Variants in TAB2 observed in about 807,000 individuals in gnomAD.
TAB2 encodes TGF-beta activated kinase 1 (MAP3K7) binding protein 2.
In TAB2, 3 loss-of-function variants were observed where a neutral mutation model predicts 65.0. The ratio of observed to expected loss-of-function variants is 0.05; its 90% CI spans 0.02 to 0.12. TAB2 has a LOEUF of 0.12. TAB2 is among the 10% of genes least tolerant of loss of function. The pLI is 1.00. For missense variants in TAB2, 623 were observed against 840.3 expected (o/e 0.74, Z 3.20); for synonymous variants, 298 against 285.1 (o/e 1.05, Z -0.46).
At chr6:149,335,429 CA>C (rs1779905363) in intron 1 of TAB2, among the ~76,000 whole-genome samples, 1 of 151,946 alleles carries the variant, frequency 6.6e-6, no homozygotes. Flanking sequence ...GGCAGTGGTA[CA>C]ATCATAGCTC....
At chr6:149,376,139 G>A (rs988135820) in intron 2 of TAB2, among the ~76,000 whole-genome samples, 8 of 152,044 alleles carry the variant, frequency 5.3e-5, no homozygotes, top group African/African-American at 1.9e-4. Flanking sequence ...AAATTGTGTT[G>A]ACAATTTATA....
In TAB2 at chr6:149,398,057, C is replaced by T. The variant is rs1782235226; in HGVS notation, c.1853C>T (p.Ala618Val). 1.2e-6 allele frequency: 2 copies of T among 1,613,072 alleles called. No homozygotes were observed. The highest frequency in any genetic ancestry group is 3.3e-5 in the Admixed American group (2 of 59,990). The change falls in exon 5 of 7, where the codon GCC becomes GTC. Residue 618 changes from alanine (A) to valine (V), a missense_variant. Around this residue, in one of 3 missense-constraint regions of TAB2, gnomAD observed 56 missense variants for 130.3 expected, o/e 0.43. Coordinates refer to ENST00000637181, the MANE Select transcript of TAB2 (RefSeq NM_001292034.3). ...CLTKEIDLFQ[A>V]RGPHFNPSAI... ...ACCAAAGAAATTGATCTTTTTCAAGCCCGAGGTAAAGTTCAGTGTATTTGT... is the reference window on the plus strand; with the variant it reads ...ACCAAAGAAATTGATCTTTTTCAAGTCCGAGGTAAAGTTCAGTGTATTTGT...
intron 1 of TAB2, among the ~76,000 whole-genome samples, chr6:149,235,654 G>C (rs9390661): frequency 0.17 from 25,823 of 152,192 alleles, 2,407 homozygotes; most frequent in East Asian, 0.27. Flanking sequence ...AGAAAGCCTT[G>C]ATATCAGGAA....
intron 3 of TAB2, among the ~76,000 whole-genome samples, chr6:149,397,216 C>T (rs1015140949): frequency 5.9e-5 from 9 of 152,170 alleles, no homozygotes; most frequent in African/African-American, 1.7e-4. Flanking sequence ...CCAAGGCAGG[C>T]GGATCACCTG....
Position 149,357,803 on chromosome 6 carries a change from G to A in TAB2, c.-89-12106G>A, listed in dbSNP as rs533843458. Among the ~76,000 whole-genome samples, 4 of 151,836 alleles carry A rather than the reference G, an allele frequency of 2.6e-5. No individual in the cohort carries two copies. In the East Asian group the frequency reaches 5.8e-4, roughly 22 times the overall value. On this transcript the variant is annotated intron_variant, in intron 1 of 6. Coordinates refer to ENST00000637181, the MANE Select transcript of TAB2 (RefSeq NM_001292034.3). ...CAACCTCCATCTCCCAGGTTCAAGC[G>A]ATTCTCCTGTCTCAGCCTCCCAAGT...
intron 3 of TAB2, among the ~76,000 whole-genome samples, chr6:149,385,612 A>C (rs1374473031): frequency 1.3e-5 from 2 of 152,144 alleles, no homozygotes. Flanking sequence ...AAGACTAAAT[A>C]CCTTTTTAAT....
chr6:149,267,918 A>T (rs773477886), intron 1 of TAB2, among the ~76,000 whole-genome samples: 3 of 152,212 alleles, frequency 2.0e-5, no homozygotes, highest in Non-Finnish European at 4.4e-5. Context: ...TACGCAGTCT[A>T]TTGTTGACCA....
intron 1 of TAB2, among the ~76,000 whole-genome samples, chr6:149,333,708 AGTGTGTGTGTGTGTGTGT>A (rs61004397): frequency 1.1e-3 from 165 of 144,894 alleles, no homozygotes; most frequent in African/African-American, 3.6e-3. Flanking sequence ...CCAGATCCAT[AGTGTGTGTGTGTGTGTGT>A]GTGTGTGTGT....
intron 1 of TAB2, among the ~76,000 whole-genome samples, chr6:149,358,640 C>CTGTGTGTGTGTGTG (rs370116039): frequency 0.055 from 6,685 of 121,654 alleles, 235 homozygotes; most frequent in African/African-American, 0.074. Context: ...CTTCAGAACT[C>CTGTGTGTGTGTGTG]TGTGTGTGTG....
intron 1 of TAB2, among the ~76,000 whole-genome samples, chr6:149,278,822 C>T (rs73603591): frequency 0.023 from 3,547 of 152,008 alleles, 152 homozygotes; most frequent in African/African-American, 0.08. Context: ...CTCATGCCTG[C>T]AATTCCAACA....
At chr6:149,266,346 T>TG (rs1295945346) in intron 1 of TAB2, among the ~76,000 whole-genome samples, 1 of 152,168 alleles carries the variant, frequency 6.6e-6, no homozygotes, top group Non-Finnish European at 1.5e-5. Context: ...AACAGAAGCA[T>TG]TCTGGTCCAC....
At chr6:149,376,277 C>T (rs763079177) in intron 2 of TAB2, among the ~76,000 whole-genome samples, 4 of 152,174 alleles carry the variant, frequency 2.6e-5, no homozygotes, top group Non-Finnish European at 5.9e-5. Flanking sequence ...CCTGAATACC[C>T]TTTGTGTCTT....
intron 1 of TAB2, among the ~76,000 whole-genome samples, chr6:149,232,238 T>TC (rs1777418671): frequency 6.6e-6 from 1 of 152,052 alleles, no homozygotes; most frequent in South Asian, 2.1e-4. Flanking sequence ...GAGTTTGATT[T>TC]TTTTTTTTAG....
rs548505777 is a variant in TAB2, at chr6:149,277,144, C to A, written c.-121+58368C>A. Among the ~76,000 whole-genome samples, 4 of 152,324 alleles carry A rather than the reference C, an allele frequency of 2.6e-5. 1 individual carries two copies. The South Asian group carries it at 8.3e-4, about 32-fold the overall frequency. ...CATGTGGGACTGTGAGTAAATTAAA[C>A]CTCTTTACTTTATAAATTACCCAAT... On this transcript the variant is annotated intron_variant, in intron 1 of 1. Coordinates refer to the TAB2 transcript ENST00000606202.
upstream of TAB2, among the ~76,000 whole-genome samples, chr6:149,315,150 A>G (rs562800614): frequency 2.0e-5 from 3 of 152,186 alleles, no homozygotes; most frequent in African/African-American, 2.4e-5. Context: ...TCTCTATCTC[A>G]TAACAGTCCT....
chr6:149,335,480 A>G (rs1402991265), intron 1 of TAB2, among the ~76,000 whole-genome samples: 3 of 151,742 alleles, frequency 2.0e-5, no homozygotes, highest in Non-Finnish European at 2.9e-5. Context: ...TTAACCTCCC[A>G]CCTTAGCCTC....
At chr6:149,248,538 T>C (rs2114651398) in intron 1 of TAB2, among the ~76,000 whole-genome samples, 1 of 151,776 alleles carries the variant, frequency 6.6e-6, no homozygotes, top group South Asian at 2.1e-4. Flanking sequence ...ACATTTAGAG[T>C]TCAGTGAAAA....
chr6:149,332,163 CT>C (rs890317504), intron 1 of TAB2, among the ~76,000 whole-genome samples: 4 of 151,916 alleles, frequency 2.6e-5, no homozygotes, highest in African/African-American at 9.7e-5. Context: ...AATCAGGAGC[CT>C]TTTTTTTGGA....
At chr6:149,391,972 GGTT>G (rs1361509739) in intron 3 of TAB2, among the ~76,000 whole-genome samples, 2 of 152,052 alleles carry the variant, frequency 1.3e-5, no homozygotes, top group Non-Finnish European at 2.9e-5. Context: ...TTTCGAGGAA[GGTT>G]GTTGTTTTAT....
Sources: allele counts gnomAD v4.1 joint callset (sites outside exome capture counted in the v4.1 genomes callset), GRCh38; gene constraint gnomAD v4.1.1; regional missense constraint gnomAD v4.1.1; transcripts MANE v1.5; gene names NCBI Gene and HGNC (gene_info 2026-07-23, HGNC 2026-07-21).